Variants in SH3GL3 observed in about 807,000 individuals in gnomAD.
SH3GL3 encodes SH3 domain containing GRB2 like 3, endophilin A3, also known as endophilin-A3.
A neutral mutation model predicts 47.7 loss-of-function variants in SH3GL3; 33 were observed. The ratio of observed to expected loss-of-function variants is 0.69; its 90% CI spans 0.52 to 0.92. The LOEUF is 0.92. Ranked by LOEUF, SH3GL3 falls within the 40% of genes least tolerant of loss-of-function variation. SH3GL3 has a pLI of 0.00. For missense variants in SH3GL3, 363 were observed against 417.8 expected (o/e 0.87, Z 1.14); for synonymous variants, 155 against 148.8 (o/e 1.04, Z -0.30).
At chr15:83,559,216 C>T in intron 1 of SH3GL3, 37 bp from the exon 2 acceptor site, 1 of 1,165,220 alleles carries the variant, frequency 8.6e-7, no homozygotes, top group Non-Finnish European at 1.3e-6. Context: ...GACAAGAAAT[C>T]ATTGTACAAT....
Position 83,618,242 on chromosome 15 carries a change from C to T in SH3GL3, c.999C>T (p.Phe333=), listed in dbSNP as rs1357983042. The change falls in exon 9 of 9, where the codon TTC becomes TTT. Residue 333 remains phenylalanine (F), a synonymous_variant. Coordinates refer to ENST00000427482, the MANE Select transcript of SH3GL3 (RefSeq NM_003027.5). ...GAATGATACACGGAGAATCGGGATTCTTCCCCATTAATTACGTGGAAGTGA... is the reference window on the plus strand; with the variant it reads ...GAATGATACACGGAGAATCGGGATTTTTCCCCATTAATTACGTGGAAGTGA... ...YEGMIHGESG[F]FPINYVEVIV... is the part of the protein sequence containing the mutation. The T allele has an allele frequency of 6.2e-7, 1 of 1,612,308 alleles. No individual in the cohort carries two copies. The highest frequency in any genetic ancestry group is 8.5e-7 in the Non-Finnish European group (1 of 1,178,256).
Position 83,557,014 on chromosome 15 carries a change from C to T in SH3GL3, c.46-2239C>T, listed in dbSNP as rs143303330. Among the ~76,000 whole-genome samples the T allele has an allele frequency of 3.2e-3, 486 of 152,310 alleles. 5 individuals carry two copies. The highest frequency in any genetic ancestry group is 0.011 in the African/African-American group (473 of 41,568). ...AGAGTGAGCAGAAGTATCTGTAGAG[C>T]CTCTTTGTGAGTACTGATTTGGAAT... On this transcript the variant is annotated intron_variant, in intron 1 of 8. Coordinates refer to ENST00000427482, the MANE Select transcript of SH3GL3 (RefSeq NM_003027.5).
At chr15:83,471,596 T>C (rs1474710320) in intron 1 of SH3GL3, among the ~76,000 whole-genome samples, 1 of 152,222 alleles carries the variant, frequency 6.6e-6, no homozygotes, top group East Asian at 1.9e-4. Flanking sequence ...TTTGCTTCTG[T>C]GTCTGGCCTA....
At chr15:83,576,864 C>G in intron 6 of SH3GL3, 123 bp downstream of exon 6, 1 of 552,612 alleles carries the variant, frequency 1.8e-6, no homozygotes, top group Non-Finnish European at 3.1e-6. Context: ...TTCCCTGGGC[C>G]ACACATAAAA....
At chr15:83,630,793 A>C in the SH3GL3 span, among the ~76,000 whole-genome samples, 1 of 152,126 alleles carries the variant, frequency 6.6e-6, no homozygotes, top group Non-Finnish European at 1.5e-5. Flanking sequence ...GGGCGGGGAC[A>C]TAGCCAAACC....
At chr15:83,610,297 G>A (rs1265159158) in intron 8 of SH3GL3, among the ~76,000 whole-genome samples, 1 of 152,198 alleles carries the variant, frequency 6.6e-6, no homozygotes, top group East Asian at 1.9e-4. Flanking sequence ...ATCACTTTGA[G>A]AGGCCAAAGC....
chr15:83,610,640 G>T (rs970264091), intron 8 of SH3GL3, among the ~76,000 whole-genome samples: 1 of 152,066 alleles, frequency 6.6e-6, no homozygotes, highest in African/African-American at 2.4e-5. Context: ...TCAAGAACGT[G>T]GACTCTCTAC....
chr15:83,497,190 C>T (rs939001735), intron 1 of SH3GL3, among the ~76,000 whole-genome samples: 4 of 152,178 alleles, frequency 2.6e-5, no homozygotes, highest in African/African-American at 9.7e-5. Context: ...GCTTCCTCTT[C>T]CACTCTTTGT....
chr15:83,632,988 A>G, the SH3GL3 span, among the ~76,000 whole-genome samples: 2 of 152,170 alleles, frequency 1.3e-5, no homozygotes, highest in Non-Finnish European at 2.9e-5. Context: ...TGCAAATTAA[A>G]ATCATAAGTT....
intron 1 of SH3GL3, among the ~76,000 whole-genome samples, chr15:83,485,114 A>G (rs907666036): frequency 3.9e-5 from 6 of 152,180 alleles, no homozygotes; most frequent in African/African-American, 1.4e-4. Context: ...AAAAAATGTC[A>G]CCAGAACATG....
At chr15:83,572,724 C>T (rs771758131) in intron 5 of SH3GL3, 26 bp downstream of exon 5, 1 of 1,515,182 alleles carries the variant, frequency 6.6e-7, no homozygotes, top group Non-Finnish European at 9.1e-7. Context: ...TATAAATATA[C>T]CTGTTGCTAC....
chr15:83,570,685 G>T (rs566574766), intron 4 of SH3GL3, among the ~76,000 whole-genome samples: 1 of 152,226 alleles, frequency 6.6e-6, no homozygotes, highest in East Asian at 1.9e-4. Flanking sequence ...CAAATATTTG[G>T]CCACAGTAAT....
chr15:83,464,864 A>T (rs1464129238), intron 1 of SH3GL3, among the ~76,000 whole-genome samples: 1 of 152,052 alleles, frequency 6.6e-6, no homozygotes, highest in African/African-American at 2.4e-5. Context: ...ATACTGTTTT[A>T]AAAAATGTAT....
At chr15:83,633,005 C>T in the SH3GL3 span, among the ~76,000 whole-genome samples, 1 of 151,820 alleles carries the variant, frequency 6.6e-6, no homozygotes, top group African/African-American at 2.4e-5. Context: ...AGTTAACCCT[C>T]ACACCTACCA....
intron 1 of SH3GL3, among the ~76,000 whole-genome samples, chr15:83,499,541 T>C (rs1896442278): frequency 2.0e-5 from 3 of 152,206 alleles, no homozygotes; most frequent in Admixed American, 2.0e-4. Context: ...TGTAATCATA[T>C]GTTCAATTAG....
At chr15:83,572,493 T>G in intron 4 of SH3GL3, 72 bp from the exon 5 acceptor site, 2 of 1,301,484 alleles carry the variant, frequency 1.5e-6, no homozygotes, top group Non-Finnish European at 2.2e-6. Context: ...TGGTAAAGAA[T>G]GAAATAAATA....
chr15:83,612,431 C>T (rs2060693024), intron 8 of SH3GL3, among the ~76,000 whole-genome samples: 1 of 152,226 alleles, frequency 6.6e-6, no homozygotes, highest in Non-Finnish European at 1.5e-5. Context: ...GTCACTGCCC[C>T]CAGGCAGCCT....
chr15:83,557,808 G>A (rs1032441716), intron 1 of SH3GL3, among the ~76,000 whole-genome samples: 1 of 152,194 alleles, frequency 6.6e-6, no homozygotes, highest in Non-Finnish European at 1.5e-5. Context: ...CAAGTCACAA[G>A]CCCAGCCCAG....
At chr15:83,557,675 C>G (rs1156585500) in intron 1 of SH3GL3, among the ~76,000 whole-genome samples, 3 of 152,222 alleles carry the variant, frequency 2.0e-5, no homozygotes, top group Admixed American at 6.5e-5. Context: ...ACTTGTTTCT[C>G]TCCATTCAGT....
Sources: allele counts gnomAD v4.1 joint callset (sites outside exome capture counted in the v4.1 genomes callset), GRCh38; gene constraint gnomAD v4.1.1; transcripts MANE v1.5; gene names NCBI Gene and HGNC (gene_info 2026-07-23, HGNC 2026-07-21).